GRM1: variants seen among roughly 807,000 people sequenced by gnomAD.
GRM1 encodes the protein metabotropic glutamate receptor 1.
GRM1 carries 33 observed loss-of-function variants against 90.9 expected under a neutral mutation model. The ratio of observed to expected loss-of-function variants is 0.36; its 90% confidence interval spans 0.28 to 0.49. The LOEUF (loss-of-function observed/expected upper bound fraction) is 0.49, where lower values mean the gene tolerates loss of function less well. Ranked by LOEUF, GRM1 falls within the 20% of genes least tolerant of loss-of-function variation. The probability of loss-of-function intolerance (pLI) is 0.99; values close to 1 mark genes in which losing one functional copy is unlikely to be tolerated. For synonymous variants in GRM1, 700 were observed against 613.2 expected (o/e 1.14, Z -2.09); for missense variants, 1,190 against 1,534.3 (o/e 0.78, Z 3.75).
At chr6:146,083,759 G>A (rs878903763) in intron 1 of GRM1, among the ~76,000 whole-genome samples, 1 of 152,216 alleles carries the variant, frequency 6.6e-6, no homozygotes, top group African/African-American at 2.4e-5. Context: ...AAATGAGTTA[G>A]GGAGGAGTCC....
chr6:146,385,164 A>G (rs1776457004), intron 5 of GRM1, among the ~76,000 whole-genome samples: 1 of 152,114 alleles, frequency 6.6e-6, no homozygotes, highest in Non-Finnish European at 1.5e-5. Flanking sequence ...AATCCTAAGC[A>G]GGATAAACAC....
At chr6:146,370,066 A>G (rs986286307) in intron 5 of GRM1, among the ~76,000 whole-genome samples, 6 of 152,086 alleles carry the variant, frequency 3.9e-5, no homozygotes, top group African/African-American at 1.4e-4. Flanking sequence ...CCCCTTTATC[A>G]TTATAAAATA....
intron 7 of GRM1, among the ~76,000 whole-genome samples, chr6:146,403,376 G>C (rs1055350354): frequency 6.6e-6 from 1 of 152,032 alleles, no homozygotes; most frequent in Non-Finnish European, 1.5e-5. Flanking sequence ...ATGATATTTT[G>C]CATGCAAAAT....
intron 5 of GRM1, among the ~76,000 whole-genome samples, chr6:146,372,879 G>A (rs1362517411): frequency 1.3e-5 from 2 of 152,060 alleles, no homozygotes; most frequent in African/African-American, 4.8e-5. Context: ...AGTATAATTT[G>A]AAGTCAGGTA....
chr6:146,082,404 C>T (rs1189397350), intron 1 of GRM1, among the ~76,000 whole-genome samples: 1 of 152,160 alleles, frequency 6.6e-6, no homozygotes, highest in African/African-American at 2.4e-5. Flanking sequence ...GATCCACCTG[C>T]CTCAGCCTCC....
chr6:146,033,040 C>G (rs544132036), intron 1 of GRM1, among the ~76,000 whole-genome samples: 1 of 152,210 alleles, frequency 6.6e-6, no homozygotes, highest in African/African-American at 2.4e-5. Context: ...ATTTGTACCA[C>G]ACTTGATACA....
chr6:146,039,036 A>G (rs917505497), intron 1 of GRM1, among the ~76,000 whole-genome samples: 7 of 152,124 alleles, frequency 4.6e-5, no homozygotes, highest in African/African-American at 1.7e-4. Context: ...CCAGATTCCT[A>G]TCTCAATTTT....
intron 2 of GRM1, among the ~76,000 whole-genome samples, chr6:146,249,239 A>G (rs1354670004): frequency 6.6e-6 from 1 of 152,200 alleles, no homozygotes; most frequent in East Asian, 1.9e-4. Flanking sequence ...GAGGAGCTGC[A>G]TGTTAATAGC....
At chr6:146,401,849 C>T (rs1282428005) in intron 7 of GRM1, among the ~76,000 whole-genome samples, 1 of 152,162 alleles carries the variant, frequency 6.6e-6, no homozygotes, top group East Asian at 1.9e-4. Context: ...TTTAAGAGAA[C>T]AGTGACTAAT....
Position 146,434,867 on chromosome 6 carries a change from C to T in GRM1, c.*71C>T. 1 of 1,367,686 alleles carries T rather than the reference C, an allele frequency of 7.3e-7. No homozygotes were observed. Among genetic ancestry groups the T allele is most frequent in the Non-Finnish European group, 1.0e-6 (1 of 971,744 alleles). The allele number at this position is 1,367,686 out of a possible 1,614,324, so 84.7% of individuals were successfully genotyped here. A position where few individuals can be genotyped will look rare whatever the true frequency, so the allele number is the denominator to read the frequency against. ...CACACCTCCAGAGATGTGCAAACAGCTGGGAGGAAAAGCCTGGGAGTGGGG... is the reference window on the plus strand; with the variant it reads ...CACACCTCCAGAGATGTGCAAACAGTTGGGAGGAAAAGCCTGGGAGTGGGG... On this transcript the variant is annotated 3_prime_UTR_variant, in exon 8 of 8. Transcript: ENST00000282753.
chr6:146,109,660 C>T (rs886700765), intron 1 of GRM1, among the ~76,000 whole-genome samples: 1 of 152,102 alleles, frequency 6.6e-6, no homozygotes, highest in Non-Finnish European at 1.5e-5. Context: ...CCTCCAGACC[C>T]CAGAATGATA....
intron 2 of GRM1, among the ~76,000 whole-genome samples, chr6:146,209,195 T>C (rs1779595746): frequency 6.6e-6 from 1 of 152,144 alleles, no homozygotes. Context: ...TCCTATGCTC[T>C]TTCCTGTGAC....
chr6:146,377,737 C>A (rs561605402), intron 5 of GRM1, among the ~76,000 whole-genome samples: 1 of 152,254 alleles, frequency 6.6e-6, no homozygotes, highest in Non-Finnish European at 1.5e-5. Flanking sequence ...TTTAGGGCAG[C>A]CCCTCCCATC....
intron 1 of GRM1, among the ~76,000 whole-genome samples, chr6:146,062,041 C>T (rs771737128): frequency 1.4e-4 from 22 of 152,056 alleles, no homozygotes; most frequent in African/African-American, 3.9e-4. Flanking sequence ...AAGACACACA[C>T]GCACGTATGT....
At chr6:146,082,389 C>T (rs748873395) in intron 1 of GRM1, among the ~76,000 whole-genome samples, 3 of 152,176 alleles carry the variant, frequency 2.0e-5, no homozygotes, top group Non-Finnish European at 4.4e-5. Context: ...CTCCTGACCT[C>T]AGTTGATCCA....
chr6:146,121,098 A>G (rs1045580213), intron 1 of GRM1, among the ~76,000 whole-genome samples: 1 of 152,142 alleles, frequency 6.6e-6, no homozygotes, highest in Non-Finnish European at 1.5e-5. Flanking sequence ...GCTATTAAAT[A>G]CTGCTTCAAT....
chr6:146,305,467 A>G (rs977191834), intron 3 of GRM1, among the ~76,000 whole-genome samples: 3 of 152,314 alleles, frequency 2.0e-5, no homozygotes, highest in Non-Finnish European at 2.9e-5. Flanking sequence ...TGCAACCCCT[A>G]GTACTACCAT....
intron 1 of GRM1, among the ~76,000 whole-genome samples, chr6:146,104,166 C>T (rs1047800841): frequency 1.3e-5 from 2 of 152,130 alleles, no homozygotes; most frequent in South Asian, 2.1e-4. Flanking sequence ...GCCAGCTGGG[C>T]GCGGTGGCTT....
rs568811208 is a variant in GRM1, at chr6:146,060,142, T to G, written c.700+29925T>G. ...CACTTATCTTGGCTTTCATCATGGC[T>G]TCTTCACCAAGCTTAATCATTTTTA... On this transcript the variant is annotated intron_variant, in intron 1 of 7. Transcript: ENST00000282753. Among the ~76,000 whole-genome samples the G allele has an allele frequency of 4.6e-5, 7 of 152,250 alleles. No homozygotes were observed. The South Asian group carries it at 8.3e-4, about 18-fold the overall frequency.
Sources: gnomAD v4.1 joint callset for allele counts (sites outside exome capture counted in the v4.1 genomes callset) on GRCh38, gnomAD v4.1.1 for gene constraint, MANE v1.5 for transcripts, NCBI Gene and HGNC (gene_info 2026-07-23, HGNC 2026-07-21) for gene names.